The following SPAG9 variants were observed in gnomAD, a reference collection of about 807,000 sequenced individuals.
SPAG9 encodes the protein sperm associated antigen 9, also known as C-Jun-amino-terminal kinase-interacting protein 4.
SPAG9 carries 35 observed loss-of-function variants against 166.5 expected under a neutral mutation model. The observed-to-expected ratio is 0.21, with a 90% confidence interval of 0.16 to 0.28. The LOEUF (loss-of-function observed/expected upper bound fraction) is 0.28, where lower values mean the gene tolerates loss of function less well. SPAG9 is among the 10% of genes least tolerant of loss of function. SPAG9 has a pLI of 1.00. For missense variants in SPAG9, 1,235 were observed against 1,603.3 expected (o/e 0.77, Z 3.92); for synonymous variants, 534 against 565.5 (o/e 0.94, Z 0.79).
intron 1 of SPAG9, among the ~76,000 whole-genome samples, chr17:51,099,886 A>G (rs1343631279): frequency 6.6e-6 from 1 of 151,224 alleles, no homozygotes; most frequent in African/African-American, 2.4e-5. Context: ...GATCACCTGA[A>G]GTCAGGACTT....
intron 3 of SPAG9, among the ~76,000 whole-genome samples, chr17:51,048,947 C>T (rs2047106288): frequency 6.6e-6 from 1 of 152,208 alleles, no homozygotes; most frequent in African/African-American, 2.4e-5. Context: ...ATACACCTTT[C>T]ATCTATCAGC....
intron 25 of SPAG9, among the ~76,000 whole-genome samples, chr17:50,982,296 G>A (rs1036229681): frequency 2.6e-5 from 4 of 152,148 alleles, no homozygotes; most frequent in African/African-American, 9.7e-5. Flanking sequence ...AAACATTCAC[G>A]TATGAATCCT....
intron 16 of SPAG9, 186 bp downstream of exon 16, chr17:50,996,379 T>G: frequency 1.6e-6 from 1 of 623,126 alleles, no homozygotes; most frequent in Non-Finnish European, 2.7e-6. Flanking sequence ...TCAGAGCATT[T>G]CATTTGAGTT....
chr17:50,970,617 T>G, intron 29 of SPAG9, 90 bp downstream of exon 29: 2 of 1,087,890 alleles, frequency 1.8e-6, no homozygotes, highest in Non-Finnish European at 2.6e-6. Flanking sequence ...CTCTTATAAA[T>G]CATTATCAGA....
intron 15 of SPAG9, 31 bp from the exon 16 acceptor site, chr17:50,996,725 T>C (rs764938643): frequency 1.2e-6 from 2 of 1,608,780 alleles, no homozygotes; most frequent in East Asian, 4.5e-5. Flanking sequence ...CCTAATTACA[T>C]GAATACGTTT....
At chr17:50,989,417 C>T (rs1380886007) in intron 21 of SPAG9, 1 of 507,116 alleles carries the variant, frequency 2.0e-6, no homozygotes, top group African/African-American at 1.9e-5. Flanking sequence ...AGAACATATC[C>T]CCATTGTTGA....
intron 6 of SPAG9, among the ~76,000 whole-genome samples, chr17:51,024,666 T>C (rs1204873876): frequency 1.3e-5 from 2 of 150,636 alleles, no homozygotes; most frequent in Non-Finnish European, 2.9e-5. Context: ...TAAGCTGAGA[T>C]TGCACCATTG....
intron 16 of SPAG9, 154 bp downstream of exon 16, chr17:50,996,411 T>C (rs1373521262): frequency 6.1e-6 from 5 of 816,468 alleles, no homozygotes; most frequent in South Asian, 1.8e-5. Context: ...GAAAACAGCC[T>C]GAAAACCACC....
At chr17:50,999,789 G>T in intron 13 of SPAG9, 72 bp from the exon 14 acceptor site, 1 of 1,318,874 alleles carries the variant, frequency 7.6e-7, no homozygotes, top group Non-Finnish European at 1.1e-6. Context: ...AAGAACAAGA[G>T]ACCCAAGAAG....
intron 5 of SPAG9, among the ~76,000 whole-genome samples, chr17:51,040,096 G>A (rs1362132581): frequency 5.9e-5 from 9 of 151,922 alleles, no homozygotes; most frequent in African/African-American, 2.2e-4. Flanking sequence ...TTAGCCAGGT[G>A]TGGTGGTGGG....
intron 19 of SPAG9, among the ~76,000 whole-genome samples, chr17:50,992,380 T>C (rs776312546): frequency 2.2e-4 from 33 of 152,210 alleles, no homozygotes; most frequent in Admixed American, 2.0e-4. Flanking sequence ...GAGGATAATG[T>C]ATTGTACTCT....
chr17:50,979,380 G>GAAA (rs76167072), intron 26 of SPAG9, among the ~76,000 whole-genome samples: 1 of 76,082 alleles, frequency 1.3e-5, no homozygotes, highest in African/African-American at 4.9e-5. Flanking sequence ...TTGAAAAAAA[G>GAAA]AAAAAAAAAA....
chr17:51,003,257 T>C (rs1320719328), intron 12 of SPAG9, among the ~76,000 whole-genome samples: 4 of 151,804 alleles, frequency 2.6e-5, no homozygotes, highest in Non-Finnish European at 5.9e-5. Context: ...AAAATAGTAA[T>C]AATACTAAAA....
chr17:51,012,591 C>T (rs1407834210), intron 9 of SPAG9, among the ~76,000 whole-genome samples: 4 of 151,660 alleles, frequency 2.6e-5, no homozygotes, highest in East Asian at 1.9e-4. Context: ...AGAATTACAA[C>T]TTTCTTAGCC....
chr17:51,093,889 C>A (rs1459682549), intron 1 of SPAG9, among the ~76,000 whole-genome samples: 2 of 151,884 alleles, frequency 1.3e-5, no homozygotes, highest in African/African-American at 2.4e-5. Flanking sequence ...TCCTTGCTCA[C>A]CCACACAGGA....
intron 1 of SPAG9, among the ~76,000 whole-genome samples, chr17:51,093,334 T>C (rs571313029): frequency 1.5e-4 from 23 of 152,154 alleles, no homozygotes; most frequent in African/African-American, 4.8e-4. Context: ...AAGACATTCA[T>C]TGAAGGGCTA....
intron 6 of SPAG9, among the ~76,000 whole-genome samples, chr17:51,024,614 G>A (rs558227165): frequency 2.1e-4 from 32 of 151,114 alleles, no homozygotes; most frequent in Non-Finnish European, 3.8e-4. Context: ...TAGCGAGGCT[G>A]AGGCAGGAGA....
At chr17:51,104,559 C>A (rs2048888547) in intron 1 of SPAG9, among the ~76,000 whole-genome samples, 1 of 151,950 alleles carries the variant, frequency 6.6e-6, no homozygotes, top group Non-Finnish European at 1.5e-5. Flanking sequence ...TCGCTTGAAC[C>A]CGGGAGGTGG....
chr17:51,002,387 T>TAC (rs1285261815), intron 12 of SPAG9, among the ~76,000 whole-genome samples: 2 of 152,130 alleles, frequency 1.3e-5, no homozygotes, highest in Non-Finnish European at 2.9e-5. Context: ...TGAATATATA[T>TAC]ACACAGATAT....
Sources: gnomAD v4.1 joint callset for allele counts (sites outside exome capture counted in the v4.1 genomes callset) on GRCh38, gnomAD v4.1.1 for gene constraint, MANE v1.5 for transcripts, NCBI Gene and HGNC (gene_info 2026-07-23, HGNC 2026-07-21) for gene names.